RABGAP1L: variants seen among roughly 807,000 people sequenced by gnomAD.
RABGAP1L encodes rab GTPase-activating protein 1-like.
Under a neutral mutation model 137.7 loss-of-function variants are expected in RABGAP1L, and 63 were observed. That is an observed-to-expected ratio of 0.46 (90% CI 0.37 to 0.56). The LOEUF (loss-of-function observed/expected upper bound fraction) is 0.56. RABGAP1L is among the 20% of genes least tolerant of loss of function. The pLI, the probability that RABGAP1L is intolerant of heterozygous loss-of-function variation, is 0.00. For missense variants in RABGAP1L, 1,095 were observed against 1,244.0 expected (o/e 0.88, Z 1.80); for synonymous variants, 431 against 433.7 (o/e 0.99, Z 0.08).
chr1:174,484,994 T>G (rs1659485236), intron 13 of RABGAP1L, among the ~76,000 whole-genome samples: 1 of 152,194 alleles, frequency 6.6e-6, no homozygotes, highest in African/African-American at 2.4e-5. Context: ...ACATGAAATA[T>G]CTATCCATTT....
chr1:174,365,818 G>A (rs1482705174), intron 11 of RABGAP1L, among the ~76,000 whole-genome samples: 1 of 152,210 alleles, frequency 6.6e-6, no homozygotes, highest in Non-Finnish European at 1.5e-5. Context: ...CTCACCTGAT[G>A]TTTGGTTCTT....
chr1:174,708,347 G>C (rs1418370094), intron 17 of RABGAP1L, among the ~76,000 whole-genome samples: 1 of 152,192 alleles, frequency 6.6e-6, no homozygotes, highest in Non-Finnish European at 1.5e-5. Flanking sequence ...ACATAGGGGA[G>C]CTGGCAAGAT....
intron 11 of RABGAP1L, among the ~76,000 whole-genome samples, chr1:174,323,013 A>C (rs1317980894): frequency 2.6e-5 from 4 of 152,134 alleles, no homozygotes; most frequent in African/African-American, 9.6e-5. Context: ...ACTAGAACTG[A>C]GAGAGAATAA....
At chr1:174,369,840 C>T (rs1043989755) in intron 11 of RABGAP1L, among the ~76,000 whole-genome samples, 3 of 152,070 alleles carry the variant, frequency 2.0e-5, no homozygotes, top group Non-Finnish European at 4.4e-5. Flanking sequence ...TTAAATGTCC[C>T]TTATAATTCT....
intron 13 of RABGAP1L, among the ~76,000 whole-genome samples, chr1:174,610,284 C>T (rs1313545566): frequency 8.2e-5 from 12 of 145,930 alleles, no homozygotes; most frequent in Non-Finnish European, 1.8e-4. Context: ...CAATTCCCAC[C>T]TATGAGTGAG....
chr1:174,523,062 G>A (rs558236253), intron 13 of RABGAP1L, among the ~76,000 whole-genome samples: 5 of 152,194 alleles, frequency 3.3e-5, no homozygotes, highest in Non-Finnish European at 7.3e-5. Flanking sequence ...TGAGACTTCA[G>A]TCTTCTGTTA....
intron 1 of RABGAP1L, among the ~76,000 whole-genome samples, chr1:174,200,042 A>T (rs2148385226): frequency 6.6e-6 from 1 of 152,364 alleles, no homozygotes; most frequent in Admixed American, 6.5e-5. Flanking sequence ...TTTCATTAAG[A>T]TTTGAGATTT....
intron 13 of RABGAP1L, among the ~76,000 whole-genome samples, chr1:174,451,264 T>G (rs1655408865): frequency 6.6e-6 from 1 of 152,238 alleles, no homozygotes; most frequent in Non-Finnish European, 1.5e-5. Flanking sequence ...ATATAAGACT[T>G]CTAAATTATA....
chr1:174,568,583 TAAAG>T (rs902435697), intron 13 of RABGAP1L, among the ~76,000 whole-genome samples: 6 of 152,100 alleles, frequency 3.9e-5, no homozygotes, highest in African/African-American at 7.2e-5. Context: ...ATTAGGGAAA[TAAAG>T]AAAGAGGAGT....
rs144433289 is a variant in RABGAP1L, at chr1:174,807,978, C to CTTT, written c.2212-3838_2212-3836dup. Among the ~76,000 whole-genome samples, 3 of 94,584 alleles carry CTTT rather than the reference C, an allele frequency of 3.2e-5. 1 individual carries two copies. Among genetic ancestry groups the CTTT allele is most frequent in the African/African-American group, 6.7e-5 (2 of 29,936 alleles). The allele number at this position is 94,584 out of a possible 152,430, so 62.1% of individuals were successfully genotyped here. A position where few individuals can be genotyped will look rare whatever the true frequency, so the allele number is the denominator to read the frequency against. On this transcript the variant is annotated intron_variant, in intron 18 of 25. Transcript: ENST00000681986. ...ACAACAACAACAACAACAACAAATT[C>CTTT]TTTTTTTTTTTTTTTTTTGAGATGG...
At chr1:174,946,100 T>A (rs754432403) in intron 19 of RABGAP1L, among the ~76,000 whole-genome samples, 3 of 152,160 alleles carry the variant, frequency 2.0e-5, no homozygotes, top group Non-Finnish European at 2.9e-5. Context: ...TTTTCTTTTT[T>A]CTTTTTAATC....
chr1:174,512,396 T>A (rs1662431103), intron 13 of RABGAP1L, among the ~76,000 whole-genome samples: 1 of 152,226 alleles, frequency 6.6e-6, no homozygotes, highest in Non-Finnish European at 1.5e-5. Flanking sequence ...AATTAACACT[T>A]ACATAATGTC....
At chr1:174,328,074 A>G (rs1680711418) in intron 11 of RABGAP1L, among the ~76,000 whole-genome samples, 1 of 146,444 alleles carries the variant, frequency 6.8e-6, no homozygotes, top group Admixed American at 6.9e-5. Flanking sequence ...AATAGAGCTA[A>G]TGGAATATAT....
At chr1:174,162,572 T>A (rs1036200837) in intron 1 of RABGAP1L, among the ~76,000 whole-genome samples, 3 of 151,930 alleles carry the variant, frequency 2.0e-5, no homozygotes, top group African/African-American at 7.3e-5. Flanking sequence ...TATGACTGGT[T>A]AGAGGGGGTT....
chr1:174,448,916 A>G lies in RABGAP1L; in HGVS notation c.1710+54771A>G, dbSNP rs990805904. 6 of 1,613,956 alleles carry G rather than the reference A, an allele frequency of 3.7e-6. No individual in the cohort carries two copies. The highest frequency in any genetic ancestry group is 5.1e-6 in the Non-Finnish European group (6 of 1,179,812). ...CCGTCGCTACGCCATGGTTTTGTTT[A>G]GGATAACCAGTGTATTTTATATGCT... On this transcript the variant is annotated intron_variant, in intron 13 of 25. Coordinates refer to ENST00000681986, the MANE Select transcript of RABGAP1L (RefSeq NM_001366446.1). This position sits in a 1 kb window ranked among gnomAD's most constrained non-coding sequence, Gnocchi z 4.2.
intron 5 of RABGAP1L, among the ~76,000 whole-genome samples, chr1:174,250,010 T>A (rs868084846): frequency 6.6e-5 from 10 of 152,222 alleles, no homozygotes; most frequent in African/African-American, 2.4e-4. Context: ...AGTTCTCTTC[T>A]GGTCTCCAGT....
chr1:174,203,595 T>G (rs551600870), intron 1 of RABGAP1L, among the ~76,000 whole-genome samples: 48 of 152,328 alleles, frequency 3.2e-4, no homozygotes, highest in Middle Eastern at 3.4e-3. Flanking sequence ...TTCAGGTTCT[T>G]TTTTTGGTTC....
chr1:174,252,348 G>A (rs1672784079), intron 6 of RABGAP1L, 132 bp from the exon 7 acceptor site: 2 of 1,060,056 alleles, frequency 1.9e-6, no homozygotes, highest in African/African-American at 3.4e-5. Flanking sequence ...GTGGCAAGGT[G>A]AGAGTTTAGT....
At chr1:174,543,188 G>T (rs1046361838) in intron 13 of RABGAP1L, among the ~76,000 whole-genome samples, 2 of 152,314 alleles carry the variant, frequency 1.3e-5, no homozygotes, top group East Asian at 1.9e-4. Flanking sequence ...AATGTTGACA[G>T]TGGGGTGTTA....
Sources: allele counts gnomAD v4.1 joint callset (sites outside exome capture counted in the v4.1 genomes callset), GRCh38; gene constraint gnomAD v4.1.1; non-coding constraint Gnocchi (gnomAD v3.1); transcripts MANE v1.5; gene names NCBI Gene and HGNC (gene_info 2026-07-23, HGNC 2026-07-21).